The following BRWD1 variants were observed in gnomAD, a reference collection of about 807,000 sequenced individuals.
BRWD1 encodes bromodomain and WD repeat domain containing 1, also known as bromodomain and WD repeat-containing protein 1.
A neutral mutation model predicts 251.2 loss-of-function variants in BRWD1; 82 were observed. That is an observed-to-expected ratio of 0.33 (90% CI 0.27 to 0.39). BRWD1 has a LOEUF of 0.39. BRWD1 is among the 10% of genes least tolerant of loss of function. The pLI is 1.00. For missense variants in BRWD1, 2,233 were observed against 2,711.6 expected (o/e 0.82, Z 3.92); for synonymous variants, 918 against 902.8 (o/e 1.02, Z -0.30).
chr21:39,194,417 T>C lies in BRWD1; in HGVS notation c.*1842A>G. On this transcript the variant is annotated 3_prime_UTR_variant, in exon 41 of 41. Transcript: ENST00000342449. The stretch of plus-strand genomic sequence containing the variant: ...ATTAGCAAAGTAAAAGGCATCCCAT[T>C]AGTCTTTTCAGTCTTAGTCAAGGAC... 1 of 1,211,642 alleles carries C rather than the reference T, an allele frequency of 8.3e-7. No individual in the cohort carries two copies. Among genetic ancestry groups the C allele is most frequent in the Non-Finnish European group, 1.0e-6 (1 of 973,360 alleles). 75.1% of individuals were successfully genotyped at this position (1,211,642 alleles called of 1,614,324 possible).
chr21:39,209,578 T>G (rs2032566957), intron 36 of BRWD1, among the ~76,000 whole-genome samples: 1 of 152,208 alleles, frequency 6.6e-6, no homozygotes, highest in African/African-American at 2.4e-5. Context: ...AATCCAAATG[T>G]TCTTATGCTG....
Position 39,189,055 on chromosome 21 carries a change from A to T in BRWD1, c.*7204T>A. 1.0e-6 allele frequency: 1 copy of T among 984,824 alleles called. No individual in the cohort carries two copies. The highest frequency in any genetic ancestry group is 1.7e-5 in the African/African-American group (1 of 57,334). 61.0% of individuals were successfully genotyped at this position (984,824 alleles called of 1,614,324 possible). On this transcript the variant is annotated 3_prime_UTR_variant, in exon 41 of 41. Transcript: ENST00000342449. ...GGGAATTTTAAAATTATGAACTAGT[A>T]TCTCCAACAAGTCAACCCTATATCC...
At chr21:39,212,527 A>C in intron 34 of BRWD1, 139 bp downstream of exon 34, 1 of 657,220 alleles carries the variant, frequency 1.5e-6, no homozygotes, top group Middle Eastern at 3.9e-4. Flanking sequence ...AAATCTTTCC[A>C]GTAATTTCTC....
At chr21:39,213,403 C>A in intron 33 of BRWD1, 78 bp downstream of exon 33, 1 of 1,036,440 alleles carries the variant, frequency 9.6e-7, no homozygotes, top group Non-Finnish European at 1.4e-6. Context: ...GTTGGTACTA[C>A]AAAGCCAACA....
rs369062837 is a variant in BRWD1 at position 39,278,040 on chromosome 21, G to T, written c.1004-689C>A. Among the ~76,000 whole-genome samples, 15 of 152,082 alleles carry T rather than the reference G, an allele frequency of 9.9e-5. No homozygotes were observed. In the South Asian group the frequency reaches 2.9e-3, roughly 30 times the overall value. ...TTGTTTTGTTTTTTTTTAGAGATGG[G>T]TTCTCCCTATGTTGCCAGGGCTGGG... On this transcript the variant is annotated intron_variant, in intron 10 of 40. Coordinates refer to ENST00000342449, the MANE Select transcript of BRWD1 (RefSeq NM_033656.4).
chr21:39,296,456 T>C, intron 5 of BRWD1, 93 bp from the exon 6 acceptor site: 2 of 1,330,974 alleles, frequency 1.5e-6, no homozygotes, highest in Non-Finnish European at 9.7e-7. Context: ...ATAAACTGTT[T>C]ATTCAACATT....
chr21:39,218,586 G>T lies in BRWD1; in HGVS notation c.3457C>A (p.Gln1153Lys), dbSNP rs1159033931. 1 of 1,612,384 alleles carries T rather than the reference G, an allele frequency of 6.2e-7. No individual in the cohort carries two copies. Among genetic ancestry groups the T allele is most frequent in the Non-Finnish European group, 8.5e-7 (1 of 1,179,326 alleles). Residue 1153 changes from glutamine (Q) to lysine (K), a missense_variant, in exon 30 of 41, where the codon CAA becomes AAA. Transcript: ENST00000342449. The stretch of plus-strand genomic sequence containing the variant: ...GATTTCTGACCCCATTCACCAGCTT[G>T]TGGTTTATAGAGCAATTTCTCTAGC... ...DELEKLLYKP[Q>K]AGEWGQKSRD...
At chr21:39,254,852 T>C (rs2034509408) in intron 19 of BRWD1, among the ~76,000 whole-genome samples, 1 of 152,218 alleles carries the variant, frequency 6.6e-6, no homozygotes, top group Non-Finnish European at 1.5e-5. Context: ...GAATTATCAC[T>C]TATGAAGCAG....
chr21:39,212,323 G>A (rs1043414517), intron 34 of BRWD1, among the ~76,000 whole-genome samples: 1 of 152,112 alleles, frequency 6.6e-6, no homozygotes, highest in African/African-American at 2.4e-5. Flanking sequence ...ATAACAGCCA[G>A]ACACAGCCAC....
At chr21:39,225,492 A>C (rs987259258) in intron 27 of BRWD1, among the ~76,000 whole-genome samples, 5 of 152,162 alleles carry the variant, frequency 3.3e-5, no homozygotes, top group East Asian at 1.9e-4. Context: ...CAGTAACCAT[A>C]TCTCTTCCTT....
intron 4 of BRWD1, among the ~76,000 whole-genome samples, chr21:39,310,829 G>A (rs184786380): frequency 3.6e-4 from 55 of 151,964 alleles, no homozygotes; most frequent in Non-Finnish European, 6.8e-4. Context: ...AAAGTGCTGG[G>A]ATTACAGGTG....
At chr21:39,312,806 G>T in intron 4 of BRWD1, 35 bp downstream of exon 4, 1 of 1,565,558 alleles carries the variant, frequency 6.4e-7, no homozygotes, top group Non-Finnish European at 8.7e-7. Flanking sequence ...GGCGGTGCAC[G>T]GAAAACCCGG....
intron 8 of BRWD1, among the ~76,000 whole-genome samples, chr21:39,287,408 A>G (rs2035673752): frequency 6.6e-6 from 1 of 152,230 alleles, no homozygotes; most frequent in South Asian, 2.1e-4. Flanking sequence ...GATTAGCGCC[A>G]AACATTTTTT....
chr21:39,219,037 A>G (rs908161645), intron 29 of BRWD1, among the ~76,000 whole-genome samples: 7 of 34,672 alleles, frequency 2.0e-4, no homozygotes, highest in South Asian at 1.2e-3. Context: ...TAAAAAGTCA[A>G]GTCAAAATGG....
At chr21:39,209,845 CTTTAT>C in intron 36 of BRWD1, 145 bp downstream of exon 36, 6 of 756,356 alleles carry the variant, frequency 7.9e-6, no homozygotes, top group Non-Finnish European at 1.1e-5. Context: ...AAGCTCTTTT[CTTTAT>C]AATAGTCTTA....
At chr21:39,202,863 G>A (rs1039798371) in intron 37 of BRWD1, among the ~76,000 whole-genome samples, 2 of 152,048 alleles carry the variant, frequency 1.3e-5, no homozygotes, top group African/African-American at 4.8e-5. Flanking sequence ...ACGTAATATA[G>A]GTATTCATTC....
intron 4 of BRWD1, among the ~76,000 whole-genome samples, chr21:39,311,734 T>A (rs2036490571): frequency 6.6e-6 from 1 of 152,212 alleles, no homozygotes; most frequent in African/African-American, 2.4e-5. Context: ...TGTTAAAGTG[T>A]TTACTTCAAA....
intron 21 of BRWD1, among the ~76,000 whole-genome samples, chr21:39,241,591 A>G (rs1448208964): frequency 6.6e-6 from 1 of 151,652 alleles, no homozygotes; most frequent in African/African-American, 2.4e-5. Context: ...TATCATTAAA[A>G]TCAGAATAAT....
rs2031743850 is a variant in BRWD1, at chr21:39,195,147, A to G, written c.*1112T>C. On this transcript the variant is annotated 3_prime_UTR_variant, in exon 41 of 41. Transcript: ENST00000342449. ...TATTTGGACTAGAAGTCACTAATAA[A>G]GATACATTTAGTTGCCCCAGCAAAG... 3.6e-6 allele frequency: 4 copies of G among 1,098,320 alleles called. No individual in the cohort carries two copies. Among genetic ancestry groups the G allele is most frequent in the Non-Finnish European group, 4.4e-6 (4 of 901,020 alleles). 68.0% of individuals were successfully genotyped at this position (1,098,320 alleles called of 1,614,324 possible).
Sources: allele counts gnomAD v4.1 joint callset (sites outside exome capture counted in the v4.1 genomes callset), GRCh38; gene constraint gnomAD v4.1.1; transcripts MANE v1.5; gene names NCBI Gene and HGNC (gene_info 2026-07-23, HGNC 2026-07-21).